Variants in ZFAND3 observed in about 807,000 individuals in gnomAD.
ZFAND3 encodes AN1-type zinc finger protein 3.
ZFAND3 carries 10 observed loss-of-function variants against 29.6 expected under a neutral mutation model. The ratio of observed to expected loss-of-function variants is 0.34; its 90% CI spans 0.21 to 0.57. The LOEUF (loss-of-function observed/expected upper bound fraction) is 0.57, where lower values mean the gene tolerates loss of function less well. Ranked by LOEUF, ZFAND3 falls within the 20% of genes least tolerant of loss-of-function variation. The pLI is 0.86. For synonymous variants in ZFAND3, 128 were observed against 112.6 expected, an observed-to-expected ratio of 1.14 and a Z score of -0.87; for missense variants, 230 against 304.5, an observed-to-expected ratio of 0.76 and a Z score of 1.82.
chr6:38,137,663 A>C (rs1038067648), intron 5 of ZFAND3, among the ~76,000 whole-genome samples: 1 of 152,172 alleles, frequency 6.6e-6, no homozygotes, highest in Non-Finnish European at 1.5e-5. Context: ...ATAAAATGAC[A>C]GTGTGATAAG....
chr6:38,086,552 C>G (rs1398164807), intron 4 of ZFAND3, among the ~76,000 whole-genome samples: 2 of 152,312 alleles, frequency 1.3e-5, no homozygotes, highest in East Asian at 3.9e-4. Context: ...TCACAACATT[C>G]CTGCCAAGAA....
intron 1 of ZFAND3, among the ~76,000 whole-genome samples, chr6:37,873,411 A>G (rs540392779): frequency 2.0e-5 from 3 of 152,338 alleles, no homozygotes; most frequent in South Asian, 2.1e-4. Flanking sequence ...TTCATACATA[A>G]TCACTTGTTT....
chr6:37,826,783 A>T (rs1157894290), intron 1 of ZFAND3, among the ~76,000 whole-genome samples: 1 of 152,010 alleles, frequency 6.6e-6, no homozygotes, highest in African/African-American at 2.4e-5. Context: ...TAATAATCAG[A>T]ATCTAAAACT....
At chr6:37,872,333 A>T (rs1382090958) in intron 1 of ZFAND3, among the ~76,000 whole-genome samples, 1 of 152,104 alleles carries the variant, frequency 6.6e-6, no homozygotes, top group Non-Finnish European at 1.5e-5. Flanking sequence ...TTTTGTCCAG[A>T]GTTTATGGTT....
rs1764681059 is a variant in ZFAND3, at chr6:38,082,416, A to T, written c.320A>T (p.His107Leu). ...GGTGGGCCATGCACAGACACAGCTCATGTCTCATTAATCACACCAACAAAA... is the reference window on the plus strand; with the variant it reads ...GGTGGGCCATGCACAGACACAGCTCTTGTCTCATTAATCACACCAACAAAA... ...EECGPCTDTA[H>L]VSLITPTKRS... Residue 107 changes from histidine to leucine, a missense_variant, in exon 4 of 6, where the codon CAT (histidine) becomes CTT (leucine). Around this residue, in one of 2 missense-constraint regions of ZFAND3, gnomAD observed 180 missense variants for 202.5 expected, o/e 0.89. Coordinates refer to ENST00000287218, the MANE Select transcript of ZFAND3 (RefSeq NM_021943.3). 2.5e-6 allele frequency: 4 copies of T among 1,612,134 alleles called. No individual in the cohort carries two copies.
chr6:37,973,615 G>A (rs1207322500), intron 2 of ZFAND3, among the ~76,000 whole-genome samples: 10 of 152,190 alleles, frequency 6.6e-5, no homozygotes, highest in Non-Finnish European at 1.3e-4. Flanking sequence ...AGCCACATGT[G>A]TCTATTGCTT....
At chr6:38,100,623 G>T (rs1765073897) in intron 4 of ZFAND3, among the ~76,000 whole-genome samples, 1 of 152,296 alleles carries the variant, frequency 6.6e-6, no homozygotes, top group African/African-American at 2.4e-5. Flanking sequence ...ATGTTGTCAT[G>T]TACTTTCCCA....
chr6:37,988,205 C>G (rs1285236414), intron 2 of ZFAND3, among the ~76,000 whole-genome samples: 1 of 152,114 alleles, frequency 6.6e-6, no homozygotes, highest in East Asian at 1.9e-4. Flanking sequence ...TTATTATTAC[C>G]CCATTGGCCT....
chr6:38,070,194 G>A (rs746657511), intron 3 of ZFAND3, among the ~76,000 whole-genome samples: 2 of 152,118 alleles, frequency 1.3e-5, no homozygotes, highest in Non-Finnish European at 2.9e-5. Flanking sequence ...GGAGGCTGAG[G>A]TGGGCAGATC....
intron 4 of ZFAND3, among the ~76,000 whole-genome samples, chr6:38,114,196 T>G (rs932312343): frequency 1.3e-5 from 2 of 152,190 alleles, no homozygotes; most frequent in Non-Finnish European, 2.9e-5. Context: ...ACCCTAGAAT[T>G]TTCTTGTTAC....
chr6:37,872,867 A>G (rs946744477), intron 1 of ZFAND3, among the ~76,000 whole-genome samples: 2 of 152,216 alleles, frequency 1.3e-5, no homozygotes, highest in Admixed American at 6.5e-5. Context: ...ATACATGTGT[A>G]TGCATTTCTG....
In ZFAND3 at chr6:38,037,065, C is replaced by T. The variant is rs1378384644; in HGVS notation, c.113-24528C>T. The stretch of plus-strand genomic sequence containing the variant: ...TTCAGAGTTTGAAAAATGTCATGTT[C>T]TAAATAGGATCTAAACTCTAGTCAT... On this transcript the variant is annotated intron_variant, in intron 2 of 5. Transcript: ENST00000287218. Among the ~76,000 whole-genome samples, 3 of 152,268 alleles carry T rather than the reference C, an allele frequency of 2.0e-5. No individual in the cohort carries two copies. The East Asian group carries it at 5.8e-4, about 29-fold the overall frequency.
At chr6:37,907,989 C>T (rs1438020931) in intron 1 of ZFAND3, among the ~76,000 whole-genome samples, 1 of 152,154 alleles carries the variant, frequency 6.6e-6, no homozygotes, top group Non-Finnish European at 1.5e-5. Context: ...ATGTCAGCTA[C>T]TTTATAGTCC....
chr6:38,094,780 TG>T (rs1561996850), intron 4 of ZFAND3, among the ~76,000 whole-genome samples: 1 of 152,212 alleles, frequency 6.6e-6, no homozygotes, highest in African/African-American at 2.4e-5. Flanking sequence ...ATGTCATGGT[TG>T]TTAGTTAATA....
chr6:37,898,145 C>G (rs1765254219), intron 1 of ZFAND3, among the ~76,000 whole-genome samples: 1 of 152,128 alleles, frequency 6.6e-6, no homozygotes, highest in African/African-American at 2.4e-5. Context: ...CGAGTTCATT[C>G]TTCTAGTTTT....
intron 1 of ZFAND3, among the ~76,000 whole-genome samples, chr6:37,915,035 C>G (rs1399953376): frequency 6.6e-6 from 1 of 152,018 alleles, no homozygotes; most frequent in Non-Finnish European, 1.5e-5. Flanking sequence ...GTGTAGCTAC[C>G]TTCATTTTAG....
chr6:38,089,483 G>A (rs768418615), intron 4 of ZFAND3, among the ~76,000 whole-genome samples: 19 of 152,172 alleles, frequency 1.2e-4, no homozygotes, highest in Non-Finnish European at 2.6e-4. Context: ...TTGCAAAGAC[G>A]AGAAGAAAAC....
intron 2 of ZFAND3, among the ~76,000 whole-genome samples, chr6:37,964,577 C>A (rs1217400158): frequency 6.6e-6 from 1 of 152,150 alleles, no homozygotes; most frequent in African/African-American, 2.4e-5. Context: ...GCCTTTGGAT[C>A]CCAATGAGAC....
chr6:37,972,848 A>G (rs1762413642), intron 2 of ZFAND3, among the ~76,000 whole-genome samples: 1 of 152,188 alleles, frequency 6.6e-6, no homozygotes, highest in African/African-American at 2.4e-5. Context: ...GCAGTCAACT[A>G]GAAACAAGTG....
Sources: gnomAD v4.1 joint callset for allele counts (sites outside exome capture counted in the v4.1 genomes callset) on GRCh38, gnomAD v4.1.1 for gene constraint, gnomAD v4.1.1 regional missense constraint, MANE v1.5 for transcripts, NCBI Gene and HGNC (gene_info 2026-07-23, HGNC 2026-07-21) for gene names.